ECH1: variants seen among roughly 807,000 people sequenced by gnomAD.
ECH1 encodes the protein enoyl-CoA hydratase 1.
A neutral mutation model predicts 37.0 loss-of-function variants in ECH1; 30 were observed. That is an observed-to-expected ratio of 0.81 (90% CI 0.61 to 1.10). The LOEUF is 1.10. ECH1 is among the 50% of genes least tolerant of loss of function. The pLI is 0.00. For missense variants in ECH1, 456 were observed against 441.6 expected (o/e 1.03, Z -0.29); for synonymous variants, 178 against 176.0 (o/e 1.01, Z -0.09).
rs1639035024 is a variant in ECH1, at chr19:38,831,163, C to CT, written c.263dup (p.Met89AspfsTer13). ...AAATCTTGTTGAAGCACTCTACCAT[C>CT]TCTCTGTGAAGCAACGAGTGAAGGG... On this transcript the variant is annotated frameshift_variant, in exon 3 of 10. Transcript: ENST00000221418. LOFTEE classifies it high-confidence loss of function. The CT allele has an allele frequency of 1.2e-6, 2 of 1,614,074 alleles. No individual in the cohort carries two copies. The highest frequency in any genetic ancestry group is 1.7e-6 in the Non-Finnish European group (2 of 1,180,046).
chr19:38,827,241 G>T (rs911543524), intron 3 of ECH1, among the ~76,000 whole-genome samples: 3 of 152,200 alleles, frequency 2.0e-5, no homozygotes, highest in African/African-American at 7.2e-5. Flanking sequence ...CATGACAACA[G>T]GGCCTGGGAC....
chr19:38,830,968 A>G (rs1003842269), intron 3 of ECH1, 110 bp downstream of exon 3: 3 of 1,032,686 alleles, frequency 2.9e-6, no homozygotes, highest in Non-Finnish European at 2.8e-6. Context: ...AAAAAAAAAA[A>G]AAAGTGTGTA....
rs537945236 is a variant in ECH1, at chr19:38,818,671, A to T, written c.350-1096T>A. Among the ~76,000 whole-genome samples, 20 of 151,912 alleles carry T rather than the reference A, an allele frequency of 1.3e-4. No homozygotes were observed. The South Asian group carries it at 3.3e-3, about 25-fold the overall frequency. ...CCCGGCTAATTTTTGTATTTTTAGT[A>T]GAGACGGGGTTTTGCCATGTTGGCC... On this transcript the variant is annotated intron_variant, in intron 3 of 9. Coordinates refer to ENST00000221418, the MANE Select transcript of ECH1 (RefSeq NM_001398.3).
intron 3 of ECH1, among the ~76,000 whole-genome samples, chr19:38,826,777 C>G (rs2145384863): frequency 6.6e-6 from 1 of 152,254 alleles, no homozygotes; most frequent in East Asian, 1.9e-4. Flanking sequence ...TCTGTTTGGT[C>G]AGGCACTGGC....
intron 3 of ECH1, among the ~76,000 whole-genome samples, chr19:38,822,266 C>T (rs1179522593): frequency 6.6e-6 from 1 of 151,708 alleles, no homozygotes; most frequent in African/African-American, 2.4e-5. Context: ...GTAAATGCAC[C>T]AATCAGCACC....
chr19:38,821,816 G>A (rs556809112), intron 3 of ECH1, among the ~76,000 whole-genome samples: 40 of 152,328 alleles, frequency 2.6e-4, no homozygotes, highest in Non-Finnish European at 4.6e-4. Context: ...GAGCCTCCCC[G>A]AGGAGCGCCA....
chr19:38,817,746 A>G, intron 3 of ECH1, 171 bp from the exon 4 acceptor site: 1 of 985,398 alleles, frequency 1.0e-6, no homozygotes, highest in Non-Finnish European at 1.2e-6. Context: ...GGTGGGAAGG[A>G]AATAAAAGCT....
intron 8 of ECH1, 120 bp downstream of exon 8, chr19:38,816,164 C>T: frequency 6.8e-7 from 1 of 1,475,924 alleles, no homozygotes; most frequent in Non-Finnish European, 9.1e-7. Flanking sequence ...AAGAAATGAG[C>T]TCACCAAGAA....
chr19:38,815,801 T>C (rs1971564463), intron 9 of ECH1, 56 bp downstream of exon 9: 1 of 1,612,946 alleles, frequency 6.2e-7, no homozygotes, highest in South Asian at 1.1e-5. Context: ...CCCTGCACCC[T>C]GGTTGGTCGC....
At chr19:38,821,471 C>A (rs1269582521) in intron 3 of ECH1, among the ~76,000 whole-genome samples, 2 of 152,208 alleles carry the variant, frequency 1.3e-5, no homozygotes, top group Non-Finnish European at 2.9e-5. Flanking sequence ...GGAGCCGGCT[C>A]CCTCTGCTTG....
chr19:38,817,127 C>T lies in ECH1; in HGVS notation c.526G>A (p.Val176Met). ...ATGTCACAGGCGGTGACAAGGTCCA[C>T]ACCTAGGAGGTAGAGGCCAGGGATG... ...AVHGGCIGGG[V>M]DLVTACDIRY... Residue 176 changes from valine (V) to methionine (M), a missense_variant and splice_region_variant, in exon 6 of 10, where the codon GTG becomes ATG. Transcript: ENST00000221418. 1.3e-6 allele frequency: 2 copies of T among 1,570,650 alleles called. No individual in the cohort carries two copies. Among genetic ancestry groups the T allele is most frequent in the South Asian group, 1.2e-5 (1 of 85,350 alleles).
intron 3 of ECH1, chr19:38,818,196 T>G: frequency 4.1e-6 from 4 of 982,652 alleles, no homozygotes; most frequent in Non-Finnish European, 4.8e-6. Flanking sequence ...TGCAGCTGGC[T>G]CCAGAGGCCA....
chr19:38,823,645 CAG>C (rs1281131126), intron 3 of ECH1, among the ~76,000 whole-genome samples: 2 of 152,172 alleles, frequency 1.3e-5, no homozygotes, highest in Non-Finnish European at 2.9e-5. Flanking sequence ...CGAGGGTCGA[CAG>C]AGAGGAAAGC....
chr19:38,822,666 G>C (rs1181061567), intron 3 of ECH1, among the ~76,000 whole-genome samples: 1 of 152,202 alleles, frequency 6.6e-6, no homozygotes, highest in Non-Finnish European at 1.5e-5. Flanking sequence ...TGGGGACTTG[G>C]AGAAGTTTTG....
At position 38,817,065 on chromosome 19, in the gene ECH1, C is replaced by T. The variant is rs774707651; in HGVS notation, c.588G>A (p.Lys196=). The T allele has an allele frequency of 4.5e-6, 7 of 1,569,338 alleles. No individual in the cohort carries two copies. The highest frequency in any genetic ancestry group is 2.7e-5 in the African/African-American group (2 of 73,648). ...GCAGGAGCTCGGGAGGATGACTCAC[C>T]TTCACCTGGAAGAAAGCATCCTGGG... is the stretch of plus-strand genomic sequence containing the variant. ...YCAQDAFFQV[K]EVDVGLAADV... is the part of the protein sequence containing the mutation. Residue 196 remains lysine, a splice_region_variant and synonymous_variant, in exon 6 of 10, where the codon AAG becomes AAA. Transcript: ENST00000221418.
In ECH1 at chr19:38,818,206, A is replaced by C. The variant is rs889193768; in HGVS notation, c.350-631T>G. On this transcript the variant is annotated intron_variant, in intron 3 of 9. Coordinates refer to ENST00000221418, the MANE Select transcript of ECH1 (RefSeq NM_001398.3). ...AACCATGCAGCTGGCTCCAGAGGCCATGCTTTTCCCCAAGATGCCAGACAG... is the reference window on the plus strand; with the variant it reads ...AACCATGCAGCTGGCTCCAGAGGCCCTGCTTTTCCCCAAGATGCCAGACAG... 7.1e-6 allele frequency: 7 copies of C among 984,858 alleles called. No individual in the cohort carries two copies. In the Admixed American group the frequency reaches 2.5e-4, roughly 35 times the overall value. The allele number at this position is 984,858 out of a possible 1,614,324, so 61.0% of individuals were successfully genotyped here.
chr19:38,818,067 A>T (rs773033309), intron 3 of ECH1: 12 of 333,886 alleles, frequency 3.6e-5, no homozygotes, highest in Non-Finnish European at 5.1e-5. Context: ...GACTGTGCCG[A>T]GGCTGCTCTT....
intron 3 of ECH1, among the ~76,000 whole-genome samples, chr19:38,824,943 A>T (rs1437904551): frequency 2.6e-5 from 4 of 152,158 alleles, no homozygotes; most frequent in Non-Finnish European, 5.9e-5. Context: ...ACCCGGGTAC[A>T]TGTCCCCTTC....
chr19:38,828,559 G>C (rs1035404294), intron 3 of ECH1, among the ~76,000 whole-genome samples: 1 of 151,658 alleles, frequency 6.6e-6, no homozygotes, highest in African/African-American at 2.4e-5. Flanking sequence ...AAGATGATAA[G>C]GAGACTGACC....
Sources: gnomAD v4.1 joint callset for allele counts (sites outside exome capture counted in the v4.1 genomes callset) on GRCh38, gnomAD v4.1.1 for gene constraint, MANE v1.5 for transcripts, NCBI Gene and HGNC (gene_info 2026-07-23, HGNC 2026-07-21) for gene names.